NRG1: variants seen among roughly 807,000 people sequenced by gnomAD.
The protein encoded by NRG1 is neuregulin 1, also known as pro-neuregulin-1, membrane-bound isoform.
In NRG1, 18 loss-of-function variants were observed where a neutral mutation model predicts 63.8. The ratio of observed to expected loss-of-function variants is 0.28; its 90% confidence interval spans 0.19 to 0.42. The LOEUF is 0.42. Ranked by LOEUF, NRG1 falls within the 10% of genes least tolerant of loss-of-function variation. The pLI is 1.00. For missense variants in NRG1, 762 were observed against 814.7 expected, an observed-to-expected ratio of 0.94 and a Z score of 0.79; for synonymous variants, 302 against 301.3, an observed-to-expected ratio of 1.00 and a Z score of -0.02.
At chr8:32,645,401 A>G (rs1391363214) in intron 5 of NRG1, among the ~76,000 whole-genome samples, 1 of 152,230 alleles carries the variant, frequency 6.6e-6, no homozygotes, top group African/African-American at 2.4e-5. Flanking sequence ...TCATGGTTAC[A>G]TTTATGCAAA....
At chr8:31,862,074 T>A (rs998997902) in intron 1 of NRG1, among the ~76,000 whole-genome samples, 1 of 152,156 alleles carries the variant, frequency 6.6e-6, no homozygotes, top group Non-Finnish European at 1.5e-5. Flanking sequence ...ATGTAAACAA[T>A]CTTGAAATTG....
chr8:32,760,989 G>T, intron 11 of NRG1: 1 of 986,022 alleles, frequency 1.0e-6, no homozygotes, highest in Non-Finnish European at 1.2e-6. Flanking sequence ...CTTGGATGCT[G>T]CGTCTGGCAG....
chr8:32,065,867 T>G (rs1434189027), intron 1 of NRG1, among the ~76,000 whole-genome samples: 1 of 152,242 alleles, frequency 6.6e-6, no homozygotes, highest in Non-Finnish European at 1.5e-5. Context: ...GACTTTTTAA[T>G]GATCACCATT....
chr8:31,842,135 C>A (rs1826255874), intron 1 of NRG1, among the ~76,000 whole-genome samples: 1 of 152,206 alleles, frequency 6.6e-6, no homozygotes, highest in South Asian at 2.1e-4. Context: ...GGACAGAAGA[C>A]TTGGTTAATA....
intron 1 of NRG1, among the ~76,000 whole-genome samples, chr8:32,452,597 C>T (rs1821098705): frequency 6.6e-6 from 1 of 152,118 alleles, no homozygotes; most frequent in African/African-American, 2.4e-5. Flanking sequence ...AAAACCTTTG[C>T]ATGCTATACT....
chr8:32,418,331 T>C (rs534448987), intron 1 of NRG1, among the ~76,000 whole-genome samples: 47 of 151,984 alleles, frequency 3.1e-4, no homozygotes, highest in East Asian at 1.4e-3. Context: ...TTTAATAATA[T>C]ATTATCTTTA....
intron 1 of NRG1, among the ~76,000 whole-genome samples, chr8:32,243,609 C>A (rs1362390434): frequency 6.6e-6 from 1 of 152,024 alleles, no homozygotes; most frequent in Non-Finnish European, 1.5e-5. Context: ...ATCCATAGCA[C>A]ATAGTAGTAA....
chr8:31,744,667 C>G (rs1266816974), intron 1 of NRG1, among the ~76,000 whole-genome samples: 1 of 151,966 alleles, frequency 6.6e-6, no homozygotes, highest in African/African-American at 2.4e-5. Flanking sequence ...GGTCTTGAAT[C>G]TTTGCTAAAT....
chr8:32,754,532 C>G, intron 8 of NRG1, 58 bp downstream of exon 8: 1 of 1,514,408 alleles, frequency 6.6e-7, no homozygotes, highest in Non-Finnish European at 9.1e-7. Flanking sequence ...GCTTAGATGG[C>G]CAGGGCTTTG....
intron 1 of NRG1, among the ~76,000 whole-genome samples, chr8:32,026,634 A>T (rs1299504731): frequency 6.6e-6 from 1 of 152,198 alleles, no homozygotes; most frequent in Non-Finnish European, 1.5e-5. Flanking sequence ...TAGTCCCAAG[A>T]TGCCTAAAAA....
rs1020906288 is a variant in NRG1, at chr8:32,411,913, A to G, written c.38-183915A>G. On this transcript the variant is annotated intron_variant, in intron 1 of 10. Coordinates refer to the NRG1 transcript ENST00000519301. ...GTTGAACTGTCATAAGTTGGGGACC[A>G]TGCGTACTCTGATAGTCAGTGTTAT... Among the ~76,000 whole-genome samples the G allele has an allele frequency of 2.0e-5, 3 of 152,310 alleles. No individual in the cohort carries two copies. The South Asian group carries it at 6.2e-4, about 32-fold the overall frequency.
chr8:32,698,512 A>G (rs1813965345), intron 5 of NRG1, among the ~76,000 whole-genome samples: 1 of 152,318 alleles, frequency 6.6e-6, no homozygotes, highest in Non-Finnish European at 1.5e-5. Flanking sequence ...TCAATAGCAG[A>G]CATACCTGTC....
intron 1 of NRG1, among the ~76,000 whole-genome samples, chr8:32,295,222 T>C (rs1197749807): frequency 6.6e-6 from 1 of 152,168 alleles, no homozygotes; most frequent in Non-Finnish European, 1.5e-5. Flanking sequence ...CTCCAAATAA[T>C]GAAATGATTT....
At chr8:31,661,805 A>G (rs1806021327) in intron 1 of NRG1, among the ~76,000 whole-genome samples, 1 of 152,210 alleles carries the variant, frequency 6.6e-6, no homozygotes, top group Non-Finnish European at 1.5e-5. Context: ...GGATCTCCAT[A>G]TTCATAGTTA....
chr8:32,278,482 G>T (rs539027265), intron 1 of NRG1, among the ~76,000 whole-genome samples: 162 of 152,266 alleles, frequency 1.1e-3, no homozygotes, highest in African/African-American at 3.7e-3. Context: ...AACCAGAGTG[G>T]TTCTGGACAT....
intron 1 of NRG1, among the ~76,000 whole-genome samples, chr8:31,668,879 T>C (rs1563274077): frequency 6.6e-6 from 1 of 152,328 alleles, no homozygotes; most frequent in East Asian, 1.9e-4. Context: ...ACAGATTGGG[T>C]ATCTCTTATG....
rs1212233512 is a variant in NRG1, at chr8:32,217,429, G to A, written c.38-378399G>A. On this transcript the variant is annotated intron_variant, in intron 1 of 10. Coordinates refer to the NRG1 transcript ENST00000519301. ...CTGCTAGTCAGTCAACAGAACACCAGCCAATTTCTCTAAGCCAAGAGCTGG... is the reference window on the plus strand; with the variant it reads ...CTGCTAGTCAGTCAACAGAACACCAACCAATTTCTCTAAGCCAAGAGCTGG... 2.0e-5 allele frequency among the ~76,000 whole-genome samples: 3 copies of A among 151,986 alleles called. No homozygotes were observed. In the East Asian group the frequency reaches 5.8e-4, roughly 29 times the overall value.
intron 1 of NRG1, among the ~76,000 whole-genome samples, chr8:32,199,980 T>C (rs1436023043): frequency 2.6e-5 from 4 of 152,164 alleles, no homozygotes; most frequent in African/African-American, 9.7e-5. Context: ...GATTTCACCA[T>C]GTTGGCCAGG....
At chr8:32,264,019 C>T (rs566949705) in intron 1 of NRG1, among the ~76,000 whole-genome samples, 10 of 152,202 alleles carry the variant, frequency 6.6e-5, no homozygotes, top group Non-Finnish European at 1.3e-4. Flanking sequence ...GATCTGAGGC[C>T]AACAGCAAAC....
Sources: gnomAD v4.1 joint callset for allele counts (sites outside exome capture counted in the v4.1 genomes callset) on GRCh38, gnomAD v4.1.1 for gene constraint, MANE v1.5 for transcripts, NCBI Gene and HGNC (gene_info 2026-07-23, HGNC 2026-07-21) for gene names.